Variants in RBFOX1 observed in about 807,000 individuals in gnomAD.
RBFOX1 encodes RNA binding fox-1 homolog 1, also known as RNA binding protein fox-1 homolog 1.
Under a neutral mutation model 57.7 loss-of-function variants are expected in RBFOX1, and 8 were observed. The ratio of observed to expected loss-of-function variants is 0.14; its 90% CI spans 0.08 to 0.25. RBFOX1 has a LOEUF of 0.25. Among genes scored for constraint, RBFOX1 ranks in the 10% least tolerant of loss-of-function variants. RBFOX1 has a pLI of 1.00. For missense variants in RBFOX1, 611 were observed against 548.5 expected, an observed-to-expected ratio of 1.11 and a Z score of -1.14; for synonymous variants, 326 against 222.4, an observed-to-expected ratio of 1.47 and a Z score of -4.15.
At chr16:6,896,437 T>C (rs1225895769) in intron 3 of RBFOX1, among the ~76,000 whole-genome samples, 1 of 152,202 alleles carries the variant, frequency 6.6e-6, no homozygotes, top group African/African-American at 2.4e-5. Flanking sequence ...CTTTCAGCCC[T>C]GGTAACTATC....
intron 3 of RBFOX1, among the ~76,000 whole-genome samples, chr16:6,781,509 T>G (rs1233191181): frequency 5.3e-5 from 8 of 151,802 alleles, no homozygotes; most frequent in Non-Finnish European, 1.2e-4. Context: ...TGGTATTAAG[T>G]CTTCCTTAAA....
intron 5 of RBFOX1, among the ~76,000 whole-genome samples, chr16:7,553,664 G>A (rs1567798721): frequency 6.6e-6 from 1 of 152,324 alleles, no homozygotes; most frequent in East Asian, 1.9e-4. Flanking sequence ...GCACTGCTCA[G>A]CATTACCAAG....
At chr16:5,335,899 G>A (rs2064884087) in intron 1 of RBFOX1, among the ~76,000 whole-genome samples, 2 of 152,136 alleles carry the variant, frequency 1.3e-5, no homozygotes, top group Non-Finnish European at 2.9e-5. Flanking sequence ...AATTATACCT[G>A]CCATATATGG....
intron 4 of RBFOX1, among the ~76,000 whole-genome samples, chr16:7,182,306 C>G (rs997636184): frequency 7.2e-5 from 11 of 152,068 alleles, no homozygotes; most frequent in African/African-American, 2.4e-4. Context: ...CCGAGAGTCA[C>G]CTGCCCCCCT....
At chr16:6,221,908 G>C (rs895601901) in intron 1 of RBFOX1, among the ~76,000 whole-genome samples, 3 of 152,146 alleles carry the variant, frequency 2.0e-5, no homozygotes, top group Admixed American at 1.3e-4. Flanking sequence ...TGAAATTTGG[G>C]TGGGGACACA....
rs115689983 is a variant in RBFOX1 at position 5,868,056 on chromosome 16, T to C, written c.351+721T>C. Among the ~76,000 whole-genome samples the C allele has an allele frequency of 6.7e-3, 1,022 of 152,240 alleles. 15 individuals carry two copies. The highest frequency in any genetic ancestry group is 0.024 in the African/African-American group (989 of 41,524). ...AGTCTCCAAGGCATGAAAGGAATTG[T>C]GGTGGATGCTGACAACATAGGTAAA... On this transcript the variant is annotated intron_variant, in intron 4 of 19. Transcript: ENST00000641259.
intron 2 of RBFOX1, among the ~76,000 whole-genome samples, chr16:6,464,906 C>T (rs1055048000): frequency 6.6e-6 from 1 of 152,234 alleles, no homozygotes; most frequent in East Asian, 1.9e-4. Context: ...GCACAGAGAT[C>T]CCGGGGGCAA....
chr16:5,354,428 C>A (rs2065337922), intron 1 of RBFOX1, among the ~76,000 whole-genome samples: 1 of 152,192 alleles, frequency 6.6e-6, no homozygotes, highest in African/African-American at 2.4e-5. Flanking sequence ...TTAGGCAAGT[C>A]ACTTGATCTT....
chr16:6,143,504 A>T (rs2096734401), intron 1 of RBFOX1, among the ~76,000 whole-genome samples: 1 of 152,192 alleles, frequency 6.6e-6, no homozygotes, highest in African/African-American at 2.4e-5. Context: ...ATGTTTCTAT[A>T]GACTTGCTGT....
chr16:7,292,903 A>G (rs1363507392), intron 4 of RBFOX1, among the ~76,000 whole-genome samples: 7 of 152,126 alleles, frequency 4.6e-5, no homozygotes, highest in Admixed American at 4.6e-4. Context: ...AAGACACAGA[A>G]ACAACTGTTG....
In RBFOX1 at chr16:6,097,541, T is replaced by G. The variant is rs1017300370; in HGVS notation, c.-127+77549T>G. Among the ~76,000 whole-genome samples, 4 of 152,170 alleles carry G rather than the reference T, an allele frequency of 2.6e-5. No homozygotes were observed. Among genetic ancestry groups the G allele is most frequent in the African/African-American group, 4.8e-5 (2 of 41,434 alleles). On this transcript the variant is annotated intron_variant, in intron 1 of 15. Coordinates refer to ENST00000550418, the MANE Select transcript of RBFOX1 (RefSeq NM_018723.4). This position sits in a 1 kb window ranked among gnomAD's most constrained non-coding sequence, Gnocchi z 5.0. ...CAACAAGCTCTCTGAGTGCTTCTTC[T>G]GAATGTTAAAGTATAAGAACCTCTG...
chr16:5,499,165 T>G (rs117829343), intron 2 of RBFOX1, among the ~76,000 whole-genome samples: 1 of 152,304 alleles, frequency 6.6e-6, no homozygotes, highest in East Asian at 1.9e-4. Flanking sequence ...GCTCTGAGGG[T>G]AGAAACTGGC....
chr16:7,025,266 G>A (rs1004182352), intron 3 of RBFOX1, among the ~76,000 whole-genome samples: 1 of 152,098 alleles, frequency 6.6e-6, no homozygotes, highest in Non-Finnish European at 1.5e-5. Flanking sequence ...TGTTGCCATG[G>A]TGTTTGGAAA....
At chr16:6,426,932 A>G (rs2093945906) in intron 2 of RBFOX1, among the ~76,000 whole-genome samples, 1 of 151,984 alleles carries the variant, frequency 6.6e-6, no homozygotes, top group South Asian at 2.1e-4. Flanking sequence ...ATGTCCTGAA[A>G]CCAACTCTCC....
chr16:6,807,607 C>T (rs1044645405), intron 3 of RBFOX1, among the ~76,000 whole-genome samples: 6 of 151,996 alleles, frequency 3.9e-5, no homozygotes, highest in South Asian at 2.1e-4. Flanking sequence ...CACAAGGTCA[C>T]GAGATTGAGA....
intron 2 of RBFOX1, among the ~76,000 whole-genome samples, chr16:6,362,165 C>A (rs147955970): frequency 1.3e-5 from 2 of 152,172 alleles, no homozygotes; most frequent in African/African-American, 4.8e-5. Context: ...AAAACAAGTC[C>A]TGCCCACCCC....
At chr16:5,807,738 C>G (rs759611431) in intron 3 of RBFOX1, among the ~76,000 whole-genome samples, 1 of 152,114 alleles carries the variant, frequency 6.6e-6, no homozygotes, top group Non-Finnish European at 1.5e-5. Context: ...TTAACAGACT[C>G]AAGAAGGAGC....
chr16:7,248,486 C>A (rs960574499), intron 4 of RBFOX1, among the ~76,000 whole-genome samples: 1 of 152,200 alleles, frequency 6.6e-6, no homozygotes, highest in Non-Finnish European at 1.5e-5. Flanking sequence ...TTCACGCTTA[C>A]ACTTGCTGGC....
chr16:7,674,405 G>T (rs1277941728), intron 13 of RBFOX1, among the ~76,000 whole-genome samples: 2 of 152,138 alleles, frequency 1.3e-5, no homozygotes, highest in African/African-American at 2.4e-5. Context: ...ACTAGAAGTA[G>T]CTACTCTGTT....
Sources: allele counts gnomAD v4.1 joint callset (sites outside exome capture counted in the v4.1 genomes callset), GRCh38; gene constraint gnomAD v4.1.1; non-coding constraint Gnocchi (gnomAD v3.1); transcripts MANE v1.5; gene names NCBI Gene and HGNC (gene_info 2026-07-23, HGNC 2026-07-21).